Variants in TMPRSS15 observed in about 807,000 individuals in gnomAD.
The protein encoded by TMPRSS15 is enteropeptidase.
A neutral mutation model predicts 125.3 loss-of-function variants in TMPRSS15; 128 were observed. That is an observed-to-expected ratio of 1.02 (90% CI 0.89 to 1.18). The LOEUF (loss-of-function observed/expected upper bound fraction) is 1.18, where lower values mean the gene tolerates loss of function less well. TMPRSS15 is among the 50% of genes most tolerant of loss of function. TMPRSS15 has a pLI of 0.00. For missense variants in TMPRSS15, 1,283 were observed against 1,212.7 expected (o/e 1.06, Z -0.86); for synonymous variants, 446 against 423.2 (o/e 1.05, Z -0.66).
At chr21:18,307,606 A>G (rs558691477) in intron 18 of TMPRSS15, among the ~76,000 whole-genome samples, 1 of 152,284 alleles carries the variant, frequency 6.6e-6, no homozygotes, top group South Asian at 2.1e-4. Flanking sequence ...TGTCTTATTT[A>G]TTCATGGAAC....
intron 4 of TMPRSS15, among the ~76,000 whole-genome samples, chr21:18,380,181 A>ACC (rs1034224072): frequency 6.6e-6 from 1 of 151,090 alleles, no homozygotes; most frequent in Non-Finnish European, 1.5e-5. Context: ...ACACACACAC[A>ACC]CACACACACA....
chr21:18,366,636 T>C (rs1164254060), intron 6 of TMPRSS15, among the ~76,000 whole-genome samples: 1 of 152,176 alleles, frequency 6.6e-6, no homozygotes, highest in Non-Finnish European at 1.5e-5. Flanking sequence ...TCACAACTTT[T>C]AGTCTTTCTT....
chr21:18,370,275 G>T (rs1250223474), intron 6 of TMPRSS15, among the ~76,000 whole-genome samples: 1 of 151,990 alleles, frequency 6.6e-6, no homozygotes, highest in Admixed American at 6.6e-5. Context: ...ATTTTTATAT[G>T]CACTGATATT....
chr21:18,399,432 A>G (rs1432725345), intron 1 of TMPRSS15, among the ~76,000 whole-genome samples: 1 of 152,130 alleles, frequency 6.6e-6, no homozygotes, highest in Non-Finnish European at 1.5e-5. Context: ...TATTATTTAT[A>G]CTATTTCATT....
chr21:18,318,340 A>G (rs2075195742), intron 16 of TMPRSS15, among the ~76,000 whole-genome samples: 1 of 152,212 alleles, frequency 6.6e-6, no homozygotes, highest in African/African-American at 2.4e-5. Flanking sequence ...AGAGCTCACA[A>G]GTCTGTTTCA....
At chr21:18,416,179 T>C (rs2076179709) in intron 1 of TMPRSS15, among the ~76,000 whole-genome samples, 1 of 152,052 alleles carries the variant, frequency 6.6e-6, no homozygotes, top group Non-Finnish European at 1.5e-5. Context: ...TGGCTTTCTA[T>C]GGATTGGACG....
intron 3 of TMPRSS15, among the ~76,000 whole-genome samples, chr21:18,392,304 T>C (rs145307701): frequency 2.0e-3 from 308 of 152,330 alleles, no homozygotes; most frequent in African/African-American, 7.0e-3. Context: ...AAAATTTTGC[T>C]GTTTAGAAAT....
At chr21:18,323,586 T>C (rs1448935404) in intron 16 of TMPRSS15, among the ~76,000 whole-genome samples, 1 of 152,078 alleles carries the variant, frequency 6.6e-6, no homozygotes, top group Non-Finnish European at 1.5e-5. Flanking sequence ...CACCTATAAT[T>C]ATTTCAATTG....
intron 1 of TMPRSS15, among the ~76,000 whole-genome samples, chr21:18,443,666 C>T (rs1199400730): frequency 6.6e-6 from 1 of 152,224 alleles, no homozygotes; most frequent in African/African-American, 2.4e-5. Context: ...TCCACCTCAC[C>T]TTGCTAGACA....
chr21:18,409,245 C>T (rs1265428553), intron 1 of TMPRSS15, among the ~76,000 whole-genome samples: 1 of 151,700 alleles, frequency 6.6e-6, no homozygotes, highest in Non-Finnish European at 1.5e-5. Flanking sequence ...TTTATATCTG[C>T]CTGAATGCTT....
intron 1 of TMPRSS15, among the ~76,000 whole-genome samples, chr21:18,414,023 C>T (rs949960873): frequency 9.2e-5 from 14 of 152,114 alleles, no homozygotes; most frequent in Admixed American, 9.2e-4. Flanking sequence ...TAATGACATG[C>T]TTTTTCTTCC....
chr21:18,442,244 T>A (rs2123235885), intron 1 of TMPRSS15, among the ~76,000 whole-genome samples: 1 of 152,344 alleles, frequency 6.6e-6, no homozygotes, highest in East Asian at 1.9e-4. Flanking sequence ...CTCCATCAGA[T>A]ATGGCTGTTT....
rs1235619873 is a variant in TMPRSS15 at position 18,345,740 on chromosome 21, CA to C, written c.1172-1681del. The stretch of plus-strand genomic sequence containing the variant: ...TAGGCGACAGAGTGAGACTCCGTCT[CA>C]AAAAAAAAAAAAAAAAAAAAATCCA... On this transcript the variant is annotated intron_variant, in intron 10 of 24. Coordinates refer to ENST00000284885, the MANE Select transcript of TMPRSS15 (RefSeq NM_002772.3). 1.1e-3 allele frequency among the ~76,000 whole-genome samples: 17 copies of C among 15,560 alleles called. 1 individual carries two copies. Among genetic ancestry groups the C allele is most frequent in the South Asian group, 8.1e-3 (1 of 124 alleles). The allele number at this position is 15,560 out of a possible 152,430, so 10.2% of individuals were successfully genotyped here. A position where few individuals can be genotyped will look rare whatever the true frequency, so the allele number is the denominator to read the frequency against.
In TMPRSS15 at chr21:18,298,512, T is replaced by C. The variant is rs140447914; in HGVS notation, c.2166-683A>G. ...AAGACATTGAGGCCCCAGGCTTTCTTTTCCCTGAAAACCTATAATTCCCAT... is the reference window on the plus strand; with the variant it reads ...AAGACATTGAGGCCCCAGGCTTTCTCTTCCCTGAAAACCTATAATTCCCAT... On this transcript the variant is annotated intron_variant, in intron 18 of 24. Transcript: ENST00000284885. Among the ~76,000 whole-genome samples the C allele has an allele frequency of 3.4e-3, 523 of 152,338 alleles. 7 individuals are homozygous for C. The highest frequency in any genetic ancestry group is 0.011 in the African/African-American group (449 of 41,578).
intron 1 of TMPRSS15, among the ~76,000 whole-genome samples, chr21:18,398,804 G>A (rs758924370): frequency 5.3e-5 from 8 of 152,108 alleles, no homozygotes; most frequent in Non-Finnish European, 1.0e-4. Flanking sequence ...GAAGATTTCA[G>A]TGTTTTGGTT....
intron 1 of TMPRSS15, among the ~76,000 whole-genome samples, chr21:18,435,444 C>T (rs888292955): frequency 5.3e-5 from 8 of 152,156 alleles, no homozygotes; most frequent in East Asian, 1.9e-4. Context: ...TATTGATTTG[C>T]GTATATTGAA....
intron 22 of TMPRSS15, among the ~76,000 whole-genome samples, chr21:18,280,516 C>A (rs998975470): frequency 2.1e-5 from 3 of 144,234 alleles, no homozygotes; most frequent in Non-Finnish European, 3.0e-5. Flanking sequence ...GCAGAGGTTG[C>A]AGCGAGCCAA....
chr21:18,473,904 C>T (rs896287948), intron 1 of TMPRSS15, among the ~76,000 whole-genome samples: 5 of 152,014 alleles, frequency 3.3e-5, no homozygotes, highest in Admixed American at 1.3e-4. Context: ...TTACTATTCA[C>T]TTTTTCTTAA....
intron 1 of TMPRSS15, among the ~76,000 whole-genome samples, chr21:18,457,878 T>C (rs1978472601): frequency 6.6e-6 from 1 of 150,468 alleles, no homozygotes; most frequent in Non-Finnish European, 1.5e-5. Context: ...CCTGAGCACT[T>C]AGATAACTTT....
Sources: gnomAD v4.1 joint callset for allele counts (sites outside exome capture counted in the v4.1 genomes callset) on GRCh38, gnomAD v4.1.1 for gene constraint, MANE v1.5 for transcripts, NCBI Gene and HGNC (gene_info 2026-07-23, HGNC 2026-07-21) for gene names.